Variants in SGCZ observed in about 807,000 individuals in gnomAD.
The protein encoded by SGCZ is zeta-sarcoglycan.
In SGCZ, 40 loss-of-function variants were observed where a neutral mutation model predicts 41.3. That is an observed-to-expected ratio of 0.97 (90% CI 0.75 to 1.26). SGCZ has a LOEUF of 1.26. SGCZ is among the 50% of genes most tolerant of loss of function. The pLI, the probability that SGCZ is intolerant of heterozygous loss-of-function variation, is 0.00. For missense variants in SGCZ, 552 were observed against 369.8 expected (o/e 1.49, Z -4.04); for synonymous variants, 206 against 137.5 (o/e 1.50, Z -3.49).
intron 1 of SGCZ, among the ~76,000 whole-genome samples, chr8:14,981,607 A>C (rs1447404041): frequency 3.9e-5 from 6 of 152,160 alleles, no homozygotes; most frequent in African/African-American, 1.4e-4. Context: ...TCCCAACTTA[A>C]ATCCAAGTGG....
chr8:15,197,671 C>A lies in SGCZ; in HGVS notation c.39+39914G>T, dbSNP rs563138426. 8.5e-5 allele frequency among the ~76,000 whole-genome samples: 13 copies of A among 152,200 alleles called. No homozygotes were observed. In the South Asian group the frequency reaches 2.7e-3, roughly 32 times the overall value. ...AACAGAGCTGTGACTTAAGACCCAG[C>A]GGCGTCCAACCCCACAATGCCAGAT... On this transcript the variant is annotated intron_variant, in intron 1 of 7. Transcript: ENST00000382080.
At chr8:14,890,631 T>C (rs1804976232) in intron 1 of SGCZ, among the ~76,000 whole-genome samples, 1 of 152,208 alleles carries the variant, frequency 6.6e-6, no homozygotes. Context: ...GACACTGCAG[T>C]AAGCTATCCA....
At chr8:14,444,307 A>C (rs1161888568) in intron 2 of SGCZ, among the ~76,000 whole-genome samples, 1 of 152,156 alleles carries the variant, frequency 6.6e-6, no homozygotes, top group Non-Finnish European at 1.5e-5. Context: ...CCTTTCCATT[A>C]CTGGGTATAT....
chr8:15,175,521 A>C (rs1799969930), intron 1 of SGCZ, among the ~76,000 whole-genome samples: 1 of 152,118 alleles, frequency 6.6e-6, no homozygotes, highest in Non-Finnish European at 1.5e-5. Context: ...AGCTACACAC[A>C]CTGGGGCCTG....
At chr8:14,119,933 AC>A (rs1313760024) in intron 5 of SGCZ, among the ~76,000 whole-genome samples, 2 of 151,934 alleles carry the variant, frequency 1.3e-5, no homozygotes, top group Non-Finnish European at 2.9e-5. Flanking sequence ...TGGTGGATAA[AC>A]TTTTTGATGT....
intron 2 of SGCZ, among the ~76,000 whole-genome samples, chr8:14,442,002 A>T (rs746098496): frequency 6.6e-6 from 1 of 152,232 alleles, no homozygotes; most frequent in African/African-American, 2.4e-5. Context: ...TCTGAAAGCC[A>T]TACATTCCCC....
chr8:14,163,362 CTA>C, intron 5 of SGCZ, among the ~76,000 whole-genome samples: 1 of 152,256 alleles, frequency 6.6e-6, no homozygotes, highest in South Asian at 2.1e-4. Context: ...TTGTTCCCCT[CTA>C]TGTGTCCATG....
chr8:14,550,207 T>G (rs1176431226), intron 2 of SGCZ, among the ~76,000 whole-genome samples: 1 of 151,934 alleles, frequency 6.6e-6, no homozygotes, highest in African/African-American at 2.4e-5. Context: ...GTGAAATGTA[T>G]AGCAGTAAAT....
chr8:14,507,928 C>T (rs1199331434), intron 2 of SGCZ, among the ~76,000 whole-genome samples: 6 of 152,018 alleles, frequency 3.9e-5, no homozygotes, highest in African/African-American at 1.4e-4. Context: ...TGCGCCACTA[C>T]ACCTGGCTAA....
chr8:14,672,161 T>C (rs909092222), intron 1 of SGCZ, among the ~76,000 whole-genome samples: 1 of 152,180 alleles, frequency 6.6e-6, no homozygotes, highest in African/African-American at 2.4e-5. Context: ...ATGCCATGAA[T>C]AGGTTACGTA....
At chr8:14,142,803 T>A (rs889810288) in intron 5 of SGCZ, among the ~76,000 whole-genome samples, 2 of 151,904 alleles carry the variant, frequency 1.3e-5, no homozygotes, top group African/African-American at 4.8e-5. Context: ...TCTTGTGAGA[T>A]CTGGTTGTTT....
At chr8:14,762,812 G>A (rs1348896205) in intron 1 of SGCZ, among the ~76,000 whole-genome samples, 1 of 152,146 alleles carries the variant, frequency 6.6e-6, no homozygotes, top group Middle Eastern at 3.2e-3. Flanking sequence ...AACATTAGTG[G>A]GCTTTGCAAA....
chr8:14,628,998 A>G (rs764927645), intron 1 of SGCZ, among the ~76,000 whole-genome samples: 4 of 152,092 alleles, frequency 2.6e-5, no homozygotes, highest in Non-Finnish European at 5.9e-5. Flanking sequence ...TTAACACAGG[A>G]TGTTTGCAAA....
chr8:14,919,839 G>A (rs539078005), intron 1 of SGCZ, among the ~76,000 whole-genome samples: 3 of 151,946 alleles, frequency 2.0e-5, no homozygotes, highest in African/African-American at 7.2e-5. Context: ...AATCACTTGA[G>A]CCCAGGAGGC....
At chr8:14,492,729 T>G (rs1801876714) in intron 2 of SGCZ, among the ~76,000 whole-genome samples, 1 of 152,182 alleles carries the variant, frequency 6.6e-6, no homozygotes, top group Non-Finnish European at 1.5e-5. Context: ...TTCAGTGAAT[T>G]TGGAAAAGTT....
chr8:15,004,001 G>A (rs1038479982), intron 1 of SGCZ, among the ~76,000 whole-genome samples: 2 of 152,114 alleles, frequency 1.3e-5, no homozygotes, highest in African/African-American at 4.8e-5. Flanking sequence ...GAGGGGGGAA[G>A]CCCCTGAGAA....
At chr8:14,674,221 C>A (rs960107503) in intron 1 of SGCZ, among the ~76,000 whole-genome samples, 1 of 151,184 alleles carries the variant, frequency 6.6e-6, no homozygotes, top group Non-Finnish European at 1.5e-5. Flanking sequence ...TTTTTCTAAA[C>A]GTGAAATCAT....
At chr8:14,947,412 T>C (rs969901202) in intron 1 of SGCZ, among the ~76,000 whole-genome samples, 1 of 152,152 alleles carries the variant, frequency 6.6e-6, no homozygotes, top group African/African-American at 2.4e-5. Context: ...TGTCCCCTTA[T>C]AACTCTTTCT....
intron 1 of SGCZ, among the ~76,000 whole-genome samples, chr8:15,138,774 AGCAGTGT>A: frequency 6.6e-6 from 1 of 152,336 alleles, no homozygotes; most frequent in East Asian, 1.9e-4. Flanking sequence ...ATTTCTTCAC[AGCAGTGT>A]GAGAAGATAG....
Sources: gnomAD v4.1 joint callset for allele counts (sites outside exome capture counted in the v4.1 genomes callset) on GRCh38, gnomAD v4.1.1 for gene constraint, MANE v1.5 for transcripts, NCBI Gene and HGNC (gene_info 2026-07-23, HGNC 2026-07-21) for gene names.